Variants in XRRA1 observed in about 807,000 individuals in gnomAD.
The protein encoded by XRRA1 is X-ray radiation resistance-associated protein 1.
Under a neutral mutation model 80.2 loss-of-function variants are expected in XRRA1, and 69 were observed. The observed-to-expected ratio is 0.86, with a 90% CI of 0.71 to 1.05. XRRA1 has a LOEUF of 1.05. Among genes scored for constraint, XRRA1 ranks in the 50% least tolerant of loss-of-function variants. The probability of loss-of-function intolerance (pLI) is 0.00; values close to 1 mark genes in which losing one functional copy is unlikely to be tolerated. For missense variants in XRRA1, 967 were observed against 976.4 expected, an observed-to-expected ratio of 0.99 and a Z score of 0.13; for synonymous variants, 348 against 389.9, an observed-to-expected ratio of 0.89 and a Z score of 1.27.
rs1941657961 is a variant in XRRA1, at chr11:74,924,244, G to C, written c.523-2897C>G. Among the ~76,000 whole-genome samples, 3 of 151,358 alleles carry C rather than the reference G, an allele frequency of 2.0e-5. 1 individual carries two copies. The highest frequency in any genetic ancestry group is 2.0e-4 in the Admixed American group (3 of 15,246). ...TAATCCCAGCACTTTGGGAGGCCGA[G>C]ACGGGCAGATCACGAGGTCAGGAGA... On this transcript the variant is annotated intron_variant, in intron 7 of 18. Transcript: ENST00000684022.
At chr11:74,887,941 G>A (rs2049486265) in intron 10 of XRRA1, among the ~76,000 whole-genome samples, 1 of 152,182 alleles carries the variant, frequency 6.6e-6, no homozygotes, top group Middle Eastern at 3.2e-3. Context: ...GAACTGGGTA[G>A]AGCCCGCCGC....
chr11:74,867,952 G>C (rs1024086638), intron 10 of XRRA1, among the ~76,000 whole-genome samples: 10 of 121,140 alleles, frequency 8.3e-5, no homozygotes, highest in African/African-American at 2.9e-4. Context: ...ACAGAGTCTT[G>C]CTCCCGTCAT....
chr11:74,896,780 C>T (rs920773814), intron 10 of XRRA1, among the ~76,000 whole-genome samples: 8 of 152,258 alleles, frequency 5.3e-5, no homozygotes, highest in Non-Finnish European at 7.4e-5. Context: ...CAAGAGTCTC[C>T]GCCTGGTAAT....
intron 10 of XRRA1, among the ~76,000 whole-genome samples, chr11:74,886,311 C>T (rs528552708): frequency 4.7e-4 from 71 of 152,274 alleles, no homozygotes; most frequent in African/African-American, 1.5e-3. Context: ...ACCTAGGAAA[C>T]GCCATAGTCT....
At chr11:74,898,961 T>C (rs1158956967) in intron 10 of XRRA1, among the ~76,000 whole-genome samples, 3 of 152,204 alleles carry the variant, frequency 2.0e-5, no homozygotes, top group Non-Finnish European at 1.5e-5. Context: ...TACACATTTT[T>C]ATCCTCAGCA....
At chr11:74,858,599 A>C (rs1034480210) in intron 12 of XRRA1, among the ~76,000 whole-genome samples, 9 of 152,168 alleles carry the variant, frequency 5.9e-5, no homozygotes, top group African/African-American at 2.2e-4. Flanking sequence ...AAAACATGTT[A>C]AATCTGTCCC....
At chr11:74,889,475 C>G (rs1217396367) in intron 10 of XRRA1, among the ~76,000 whole-genome samples, 9 of 152,184 alleles carry the variant, frequency 5.9e-5, no homozygotes. Context: ...ACTATCGAGG[C>G]TAGGAAGAAA....
chr11:74,851,892 T>C (rs1007189074), intron 13 of XRRA1, 97 bp downstream of exon 13: 4 of 1,033,702 alleles, frequency 3.9e-6, no homozygotes, highest in Admixed American at 3.6e-5. Flanking sequence ...CGACACAGAG[T>C]AGATCCCAGG....
At chr11:74,888,949 G>A (rs548923350) in intron 10 of XRRA1, among the ~76,000 whole-genome samples, 63 of 152,276 alleles carry the variant, frequency 4.1e-4, no homozygotes, top group African/African-American at 1.1e-3. Flanking sequence ...TGAAAGTTAC[G>A]GGGAGAATGG....
At chr11:74,908,991 G>A (rs1434328487) in intron 8 of XRRA1, among the ~76,000 whole-genome samples, 1 of 152,082 alleles carries the variant, frequency 6.6e-6, no homozygotes, top group African/African-American at 2.4e-5. Context: ...AGAACTTCCA[G>A]GCTGCTCCAC....
In XRRA1 at chr11:74,843,140, G is replaced by C; in HGVS notation, c.*60C>G. 1 of 1,499,704 alleles carries C rather than the reference G, an allele frequency of 6.7e-7. No homozygotes were observed. Among genetic ancestry groups the C allele is most frequent in the Non-Finnish European group, 8.9e-7 (1 of 1,120,178 alleles). The allele number at this position is 1,499,704 out of a possible 1,614,324, so 92.9% of individuals were successfully genotyped here. A position where few individuals can be genotyped will look rare whatever the true frequency, so the allele number is the denominator to read the frequency against. On this transcript the variant is annotated 3_prime_UTR_variant, in exon 19 of 19. Transcript: ENST00000684022. ...ACCTTGAGGTGCGGTCCAGGGCACAGAGCCCTCGGGGAGAGCTGGGGCACA... is the reference window on the plus strand; with the variant it reads ...ACCTTGAGGTGCGGTCCAGGGCACACAGCCCTCGGGGAGAGCTGGGGCACA...
chr11:74,854,105 A>G lies in XRRA1; in HGVS notation c.1171-2023T>C, dbSNP rs368289853. Among the ~76,000 whole-genome samples the G allele has an allele frequency of 1.5e-3, 225 of 152,342 alleles. 5 individuals are homozygous for G. In the South Asian group the frequency reaches 0.045, roughly 30 times the overall value. ...TTCACTAAGGGAACAATGAAAGAAC[A>G]TACAATTTGAAGAAAAAATTTATCA... On this transcript the variant is annotated intron_variant, in intron 12 of 18. Transcript: ENST00000684022.
chr11:74,891,622 T>C (rs1565340002), intron 10 of XRRA1, among the ~76,000 whole-genome samples: 1 of 152,208 alleles, frequency 6.6e-6, no homozygotes, highest in Admixed American at 6.5e-5. Flanking sequence ...TTGTCCCTGT[T>C]TGCAGATGAC....
At chr11:74,868,793 A>G (rs12419127) in intron 10 of XRRA1, among the ~76,000 whole-genome samples, 28 of 152,214 alleles carry the variant, frequency 1.8e-4, no homozygotes, top group Admixed American at 1.8e-3. Context: ...GCTCAATTCA[A>G]CAAGAACTAT....
intron 10 of XRRA1, among the ~76,000 whole-genome samples, chr11:74,878,804 T>C (rs1362314645): frequency 6.6e-6 from 1 of 151,770 alleles, no homozygotes; most frequent in Non-Finnish European, 1.5e-5. Flanking sequence ...GAGGGCTCTG[T>C]TCTGTTCCAT....
chr11:74,924,292 G>A (rs1261788966), intron 7 of XRRA1, among the ~76,000 whole-genome samples: 1 of 150,242 alleles, frequency 6.7e-6, no homozygotes, highest in Non-Finnish European at 1.5e-5. Context: ...TGGCTAACAC[G>A]GTGAAACCCC....
At position 74,848,549 on chromosome 11, in the gene XRRA1, G is replaced by A. The variant is rs554566772; in HGVS notation, c.1381-87C>T. 25 of 1,239,272 alleles carry A rather than the reference G, an allele frequency of 2.0e-5. No homozygotes were observed. In the South Asian group the frequency reaches 2.2e-4, roughly 11 times the overall value. 76.8% of individuals were successfully genotyped at this position (1,239,272 alleles called of 1,614,324 possible). A position where few individuals can be genotyped will look rare whatever the true frequency, so the allele number is the denominator to read the frequency against. On this transcript the variant is annotated intron_variant, in intron 14 of 18. Transcript: ENST00000684022. ...TCACTAGCCTAAGGCCACTTGTATA[G>A]CAGCCGGAGTGCTGGGTACGGACTG...
chr11:74,883,153 A>C (rs969381503), intron 10 of XRRA1, among the ~76,000 whole-genome samples: 15 of 152,128 alleles, frequency 9.9e-5, no homozygotes, highest in African/African-American at 3.4e-4. Context: ...CTGTGCTAGC[A>C]ATCTGTGAGA....
chr11:74,868,062 C>T (rs577363657), intron 10 of XRRA1, among the ~76,000 whole-genome samples: 1 of 151,744 alleles, frequency 6.6e-6, no homozygotes, highest in Non-Finnish European at 1.5e-5. Context: ...ACTGGGATTA[C>T]AAGCATGCGT....
Sources: gnomAD v4.1 joint callset for allele counts (sites outside exome capture counted in the v4.1 genomes callset) on GRCh38, gnomAD v4.1.1 for gene constraint, MANE v1.5 for transcripts, NCBI Gene and HGNC (gene_info 2026-07-23, HGNC 2026-07-21) for gene names.